WASHC2A: variants seen among roughly 807,000 people sequenced by gnomAD.
The protein encoded by WASHC2A is WASH complex subunit 2A.
A neutral mutation model predicts 140.3 loss-of-function variants in WASHC2A; 82 were observed. The observed-to-expected ratio is 0.58, with a 90% CI of 0.49 to 0.70. WASHC2A has a LOEUF of 0.70. WASHC2A is among the 30% of genes least tolerant of loss of function. The pLI, the probability that WASHC2A is intolerant of heterozygous loss-of-function variation, is 0.00. For missense variants in WASHC2A, 985 were observed against 1,521.8 expected (o/e 0.65, Z 5.87); for synonymous variants, 340 against 560.8 (o/e 0.61, Z 5.56).
chr10:50,099,419 G>A (rs1307289981), intron 16 of WASHC2A, among the ~76,000 whole-genome samples: 10 of 150,504 alleles, frequency 6.6e-5, no homozygotes, highest in East Asian at 2.0e-4. Flanking sequence ...ATATGCGTGC[G>A]CCACCATGCC....
intron 23 of WASHC2A, among the ~76,000 whole-genome samples, chr10:50,124,335 C>A (rs1434863710): frequency 2.0e-5 from 3 of 151,548 alleles, no homozygotes; most frequent in Non-Finnish European, 4.4e-5. Context: ...AACTCCTGGC[C>A]TCTGGTAATC....
chr10:50,121,181 T>C (rs1481630753), intron 23 of WASHC2A, among the ~76,000 whole-genome samples: 1 of 150,146 alleles, frequency 6.7e-6, no homozygotes, highest in African/African-American at 2.5e-5. Context: ...GGCATTCAGA[T>C]TGGAAAGGAA....
chr10:50,107,640 G>T (rs567362597), intron 19 of WASHC2A, among the ~76,000 whole-genome samples: 1 of 151,986 alleles, frequency 6.6e-6, no homozygotes, highest in Non-Finnish European at 1.5e-5. Flanking sequence ...AAGCTTATGC[G>T]GCCGGGCGTG....
intron 18 of WASHC2A, 58 bp downstream of exon 18, chr10:50,104,201 G>A: frequency 1.3e-6 from 2 of 1,566,652 alleles, no homozygotes; most frequent in African/African-American, 2.7e-5. Flanking sequence ...GGTTGTTGAT[G>A]CAACTTTCTA....
intron 8 of WASHC2A, among the ~76,000 whole-genome samples, chr10:50,088,497 C>T (rs1839589403): frequency 6.6e-6 from 1 of 152,026 alleles, no homozygotes; most frequent in Non-Finnish European, 1.5e-5. Flanking sequence ...TGAGCTCAGG[C>T]AAACCGCCCA....
intron 18 of WASHC2A, among the ~76,000 whole-genome samples, 151 bp from the exon 19 acceptor site, chr10:50,106,171 AGGCTGTAGTTTG>A (rs1841760240): frequency 6.7e-6 from 1 of 149,328 alleles, no homozygotes. Flanking sequence ...CAGTGAGAAA[AGGCTGTAGTTTG>A]GGATTTACTA....
At chr10:50,076,370 T>G (rs1327581152) in intron 3 of WASHC2A, among the ~76,000 whole-genome samples, 1 of 152,240 alleles carries the variant, frequency 6.6e-6, no homozygotes, top group East Asian at 1.9e-4. Flanking sequence ...CTGCTGGAAA[T>G]CATGATACCA....
At chr10:50,078,764 G>T in intron 4 of WASHC2A, 27 bp downstream of exon 4, 1 of 1,611,862 alleles carries the variant, frequency 6.2e-7, no homozygotes, top group African/African-American at 1.3e-5. Flanking sequence ...ACTCTTAGCT[G>T]AGTTTCTGAC....
intron 13 of WASHC2A, 143 bp downstream of exon 13, chr10:50,094,060 G>A: frequency 1.5e-6 from 2 of 1,303,864 alleles, no homozygotes; most frequent in Non-Finnish European, 2.2e-6. Context: ...CCAGTTGAAA[G>A]TAATTCATCT....
chr10:50,098,729 CTTT>C (rs531541628), intron 16 of WASHC2A, among the ~76,000 whole-genome samples: 54 of 130,906 alleles, frequency 4.1e-4, no homozygotes, highest in African/African-American at 1.5e-3. Flanking sequence ...CCTCCCACAT[CTTT>C]TTTTTTTTAA....
chr10:50,099,175 T>G (rs1554885661), intron 16 of WASHC2A, among the ~76,000 whole-genome samples: 1 of 152,202 alleles, frequency 6.6e-6, no homozygotes, highest in East Asian at 1.9e-4. Flanking sequence ...ATGAAGTTCT[T>G]TCTCTCCCTC....
chr10:50,072,608 T>G (rs1182876784), intron 3 of WASHC2A, among the ~76,000 whole-genome samples: 1 of 145,572 alleles, frequency 6.9e-6, no homozygotes, highest in African/African-American at 2.5e-5. Context: ...TGACTCAGCC[T>G]CCTGAGTAGC....
Position 50,095,158 on chromosome 10 carries a change from A to C in WASHC2A, c.1191A>C (p.Ser397=). ...GCTTTCTCATTCTAGAGTCTTCATC[A>C]TCCAAACCTGGAAAGAAAATCCCAG... ...AGASVKEESS[S]SKPGKKIPAG... Residue 397 remains serine (S), a synonymous_variant, in exon 14 of 31, where the codon TCA becomes TCC. Transcript: ENST00000282633. 1 of 1,584,810 alleles carries C rather than the reference A, an allele frequency of 6.3e-7. No homozygotes were observed. The highest frequency in any genetic ancestry group is 1.1e-5 in the South Asian group (1 of 87,506).
At chr10:50,099,571 T>C (rs1261669984) in intron 16 of WASHC2A, among the ~76,000 whole-genome samples, 14 of 150,574 alleles carry the variant, frequency 9.3e-5, no homozygotes, top group African/African-American at 3.5e-4. Context: ...CTTTCACTGC[T>C]GTCCTGTACA....
chr10:50,092,933 C>T (rs1188136406), intron 11 of WASHC2A, among the ~76,000 whole-genome samples: 1 of 146,468 alleles, frequency 6.8e-6, no homozygotes, highest in African/African-American at 2.5e-5. Flanking sequence ...CCCTTCCTTC[C>T]CCCAGATTGG....
chr10:50,082,776 G>C (rs1167205717), intron 5 of WASHC2A, among the ~76,000 whole-genome samples: 1 of 146,308 alleles, frequency 6.8e-6, no homozygotes, highest in Non-Finnish European at 1.5e-5. Flanking sequence ...TACTGCAACC[G>C]ACCAACCCTA....
At chr10:50,079,273 G>A (rs1415481897) in intron 4 of WASHC2A, among the ~76,000 whole-genome samples, 4 of 152,040 alleles carry the variant, frequency 2.6e-5, no homozygotes, top group Non-Finnish European at 4.4e-5. Context: ...TTGGCCCTTT[G>A]TCAGCAATTA....
At chr10:50,132,096 C>T (rs1160637580) in intron 30 of WASHC2A, among the ~76,000 whole-genome samples, 3 of 152,216 alleles carry the variant, frequency 2.0e-5, no homozygotes, top group Admixed American at 6.5e-5. Context: ...ATAGAGATCT[C>T]CTTCCTTGTT....
intron 3 of WASHC2A, among the ~76,000 whole-genome samples, chr10:50,077,096 A>G (rs1264119231): frequency 3.4e-5 from 5 of 145,514 alleles, no homozygotes; most frequent in East Asian, 3.9e-4. Flanking sequence ...CAGCCTTGGC[A>G]ACAGAGTGAG....
Sources: allele counts gnomAD v4.1 joint callset (sites outside exome capture counted in the v4.1 genomes callset), GRCh38; gene constraint gnomAD v4.1.1; transcripts MANE v1.5; gene names NCBI Gene and HGNC (gene_info 2026-07-23, HGNC 2026-07-21).